CYP2C19: variants seen among roughly 807,000 people sequenced by gnomAD.
CYP2C19 encodes the protein cytochrome P450 family 2 subfamily C member 19.
CYP2C19 carries 59 observed loss-of-function variants against 40.9 expected under a neutral mutation model. The observed-to-expected ratio is 1.44, with a 90% CI of 1.17 to 1.79. The LOEUF (loss-of-function observed/expected upper bound fraction) is 1.79, where lower values mean the gene tolerates loss of function less well. Ranked by LOEUF, CYP2C19 falls within the 40% of genes most tolerant of loss-of-function variation. CYP2C19 has a pLI of 0.00. For missense variants in CYP2C19, 754 were observed against 596.9 expected, an observed-to-expected ratio of 1.26 and a Z score of -2.74; for synonymous variants, 253 against 208.7, an observed-to-expected ratio of 1.21 and a Z score of -1.83.
At chr10:94,846,020 G>A (rs897276150) in intron 7 of CYP2C19, among the ~76,000 whole-genome samples, 2 of 151,880 alleles carry the variant, frequency 1.3e-5, no homozygotes, top group Non-Finnish European at 2.9e-5. Flanking sequence ...AATAATAATA[G>A]CATTCATAGT....
intron 6 of CYP2C19, among the ~76,000 whole-genome samples, chr10:94,831,724 TC>T (rs1483673566): frequency 1.3e-5 from 2 of 152,210 alleles, no homozygotes; most frequent in Non-Finnish European, 2.9e-5. Context: ...TCTATTCAAA[TC>T]TTTTGCCCAC....
intron 5 of CYP2C19, among the ~76,000 whole-genome samples, chr10:94,786,247 C>A (rs1290474144): frequency 6.6e-6 from 1 of 152,080 alleles, no homozygotes; most frequent in Non-Finnish European, 1.5e-5. Context: ...ATGAATTGGA[C>A]AATCAACTTT....
intron 3 of CYP2C19, among the ~76,000 whole-genome samples, chr10:94,776,708 A>C (rs1848411873): frequency 6.6e-6 from 1 of 152,180 alleles, no homozygotes; most frequent in Non-Finnish European, 1.5e-5. Flanking sequence ...TTAATGGGCA[A>C]AATCTGGAAG....
intron 6 of CYP2C19, among the ~76,000 whole-genome samples, chr10:94,842,037 A>G (rs66883721): frequency 0.28 from 42,293 of 151,980 alleles, 6,489 homozygotes; most frequent in South Asian, 0.45. Flanking sequence ...GAAGTTCAAT[A>G]TCTCCTTGTT....
At chr10:94,773,365 G>A (rs1483984804) in intron 1 of CYP2C19, among the ~76,000 whole-genome samples, 1 of 152,188 alleles carries the variant, frequency 6.6e-6, no homozygotes, top group African/African-American at 2.4e-5. Flanking sequence ...GATGTGGCCA[G>A]AGTTTCTTCC....
At chr10:94,784,010 A>G (rs1346281567) in intron 5 of CYP2C19, among the ~76,000 whole-genome samples, 1 of 152,184 alleles carries the variant, frequency 6.6e-6, no homozygotes, top group Non-Finnish European at 1.5e-5. Context: ...CTCTGGTTTC[A>G]AAATGTTTTT....
At position 94,829,270 on chromosome 10, in the gene CYP2C19, T is replaced by G. The variant is rs368993819; in HGVS notation, c.961+8633T>G. Among the ~76,000 whole-genome samples, 462 of 152,256 alleles carry G rather than the reference T, an allele frequency of 3.0e-3. 2 individuals carry two copies. Among genetic ancestry groups the G allele is most frequent in the African/African-American group, 0.01 (435 of 41,524 alleles). The stretch of plus-strand genomic sequence containing the variant: ...ATCCTGCAGAGTGTTTTCCAACTTG[T>G]TTCCATTCTCCCCATCACTTTCAGG... On this transcript the variant is annotated intron_variant, in intron 6 of 8. Transcript: ENST00000371321.
At chr10:94,830,391 G>A (rs1849314316) in intron 6 of CYP2C19, among the ~76,000 whole-genome samples, 1 of 152,312 alleles carries the variant, frequency 6.6e-6, no homozygotes, top group Non-Finnish European at 1.5e-5. Context: ...GAAAAGCGCA[G>A]TATTCGGGTG....
chr10:94,813,026 T>C (rs554626008), intron 5 of CYP2C19, among the ~76,000 whole-genome samples: 2 of 152,010 alleles, frequency 1.3e-5, no homozygotes, highest in South Asian at 4.1e-4. Flanking sequence ...GTCTTTGATG[T>C]TGGTGACCTT....
At chr10:94,812,749 T>A (rs1319484490) in intron 5 of CYP2C19, among the ~76,000 whole-genome samples, 1 of 151,724 alleles carries the variant, frequency 6.6e-6, no homozygotes, top group Non-Finnish European at 1.5e-5. Context: ...TCTTCTCTAG[T>A]TAGCAATTCG....
chr10:94,775,657 A>G (rs1222999524), intron 3 of CYP2C19, 118 bp downstream of exon 3: 1 of 1,559,640 alleles, frequency 6.4e-7, no homozygotes, highest in Non-Finnish European at 8.8e-7. Flanking sequence ...TTGTTAGCTC[A>G]TGTGAAGCAG....
At chr10:94,840,661 A>G (rs189548046) in intron 6 of CYP2C19, among the ~76,000 whole-genome samples, 2 of 152,052 alleles carry the variant, frequency 1.3e-5, no homozygotes, top group South Asian at 2.1e-4. Flanking sequence ...CATGTGTGAC[A>G]GGTGAGTAGA....
chr10:94,773,565 C>T (rs1848364335), intron 1 of CYP2C19, among the ~76,000 whole-genome samples: 1 of 151,610 alleles, frequency 6.6e-6, no homozygotes, highest in Non-Finnish European at 1.5e-5. Context: ...GGTGGTGTGT[C>T]GAGTTGTTCA....
At chr10:94,820,460 A>G (rs201123407) in intron 5 of CYP2C19, 36 bp from the exon 6 acceptor site, 178 of 1,611,740 alleles carry the variant, frequency 1.1e-4, no homozygotes, top group Non-Finnish European at 1.4e-4. Flanking sequence ...ATGCTGTTAA[A>G]TAATTTGTCA....
intron 1 of CYP2C19, among the ~76,000 whole-genome samples, chr10:94,766,882 G>T (rs1589816370): frequency 6.6e-6 from 1 of 152,010 alleles, no homozygotes; most frequent in African/African-American, 2.4e-5. Context: ...ACCGAGTATG[G>T]TCCTTCCCAC....
intron 1 of CYP2C19, among the ~76,000 whole-genome samples, chr10:94,772,132 G>A (rs1368538151): frequency 1.3e-5 from 2 of 152,136 alleles, no homozygotes; most frequent in Admixed American, 6.5e-5. Context: ...GGAGGGAAGG[G>A]ATCTCCAGAG....
chr10:94,789,756 A>G (rs79750498), intron 5 of CYP2C19, among the ~76,000 whole-genome samples: 1 of 152,098 alleles, frequency 6.6e-6, no homozygotes, highest in Non-Finnish European at 1.5e-5. Context: ...GCCTTGTAAT[A>G]TAGTTTGAAG....
chr10:94,838,077 G>T (rs563732663), intron 6 of CYP2C19, among the ~76,000 whole-genome samples: 1 of 152,272 alleles, frequency 6.6e-6, no homozygotes, highest in African/African-American at 2.4e-5. Context: ...AGTCTCTCCA[G>T]AAAGGCAGTA....
chr10:94,843,878 T>C (rs1273373239), intron 7 of CYP2C19, among the ~76,000 whole-genome samples: 1 of 152,228 alleles, frequency 6.6e-6, no homozygotes, highest in African/African-American at 2.4e-5. Flanking sequence ...TACATTTCAA[T>C]ATTGAAAATG....
Sources: allele counts gnomAD v4.1 joint callset (sites outside exome capture counted in the v4.1 genomes callset), GRCh38; gene constraint gnomAD v4.1.1; transcripts MANE v1.5; gene names NCBI Gene and HGNC (gene_info 2026-07-23, HGNC 2026-07-21).